Variants in RCC1L observed in about 807,000 individuals in gnomAD.
RCC1L encodes the protein RCC1-like G exchanging factor-like protein.
RCC1L carries 46 observed loss-of-function variants against 58.6 expected under a neutral mutation model. The ratio of observed to expected loss-of-function variants is 0.79; its 90% CI spans 0.62 to 1.00. The LOEUF (loss-of-function observed/expected upper bound fraction) is 1.00, where lower values mean the gene tolerates loss of function less well. Ranked by LOEUF, RCC1L falls within the 50% of genes least tolerant of loss-of-function variation. The pLI, the probability that RCC1L is intolerant of heterozygous loss-of-function variation, is 0.00. For missense variants in RCC1L, 636 were observed against 623.6 expected, an observed-to-expected ratio of 1.02 and a Z score of -0.21; for synonymous variants, 281 against 262.9, an observed-to-expected ratio of 1.07 and a Z score of -0.67.
intron 3 of RCC1L, among the ~76,000 whole-genome samples, chr7:75,065,159 C>T (rs587644768): frequency 6.6e-6 from 1 of 150,994 alleles, no homozygotes; most frequent in Admixed American, 6.6e-5. Context: ...CCCAAGTTTG[C>T]ATTTTCGACA....
intron 10 of RCC1L, among the ~76,000 whole-genome samples, chr7:75,047,348 C>T (rs1445931838): frequency 1.3e-5 from 2 of 152,202 alleles, no homozygotes; most frequent in African/African-American, 4.8e-5. Context: ...CTCACTGCAG[C>T]TTCCAACTCC....
At chr7:75,051,214 A>T (rs1026193223) in intron 10 of RCC1L, among the ~76,000 whole-genome samples, 3 of 146,340 alleles carry the variant, frequency 2.1e-5, no homozygotes, top group Non-Finnish European at 4.5e-5. Context: ...ATATAAACGT[A>T]TAATATAAAT....
chr7:75,031,286 C>T (rs1299062324), intron 10 of RCC1L, among the ~76,000 whole-genome samples: 6 of 152,220 alleles, frequency 3.9e-5, no homozygotes, highest in East Asian at 1.9e-4. Flanking sequence ...CCTCACCTGG[C>T]GTGCCCGGGT....
intron 2 of RCC1L, among the ~76,000 whole-genome samples, chr7:75,068,184 T>G (rs1490101734): frequency 6.6e-6 from 1 of 151,218 alleles, no homozygotes; most frequent in East Asian, 2.0e-4. Context: ...CCAGGCATGG[T>G]GGCACATGCC....
At chr7:75,070,571 A>G in intron 2 of RCC1L, 69 bp downstream of exon 2, 1 of 1,580,886 alleles carries the variant, frequency 6.3e-7, no homozygotes, top group Non-Finnish European at 8.6e-7. Context: ...CTCTGTCTCA[A>G]AAAAAATACA....
At chr7:75,027,969 A>G in exon 11 of RCC1L, 1 of 1,501,234 alleles carries the variant, frequency 6.7e-7, no homozygotes, top group Non-Finnish European at 9.0e-7. Context: ...TGTTTCTCAG[A>G]GGGGCTCCAT....
intron 7 of RCC1L, 136 bp from the exon 8 acceptor site, chr7:75,057,752 C>T: frequency 1.2e-6 from 1 of 805,874 alleles, no homozygotes. Flanking sequence ...CATCACATGC[C>T]AAGCATCATA....
chr7:75,073,348 C>A, intron 1 of RCC1L, 66 bp downstream of exon 1: 1 of 716,540 alleles, frequency 1.4e-6, no homozygotes, highest in Non-Finnish European at 2.0e-6. Context: ...GAGAGCCGAA[C>A]AGGTCGAGGG....
rs1805703314 is a variant in RCC1L, at chr7:75,045,821, C to T, written c.1318-2712G>A. On this transcript the variant is annotated intron_variant, in intron 10 of 10. Coordinates refer to ENST00000610322, the MANE Select transcript of RCC1L (RefSeq NM_030798.5). ...GAGCCGCTGCACCTGGCCTTCTCTTCCTTTCTTAAGTGCCAACTGCAAAGA... is the reference window on the plus strand; with the variant it reads ...GAGCCGCTGCACCTGGCCTTCTCTTTCTTTCTTAAGTGCCAACTGCAAAGA... Among the ~76,000 whole-genome samples, 3 of 152,196 alleles carry T rather than the reference C, an allele frequency of 2.0e-5. 1 individual carries two copies. In the South Asian group the frequency reaches 6.2e-4, roughly 31 times the overall value.
intron 10 of RCC1L, among the ~76,000 whole-genome samples, chr7:75,032,994 T>C (rs1350427861): frequency 7.1e-6 from 1 of 141,036 alleles, no homozygotes; most frequent in South Asian, 2.2e-4. Context: ...ATGGCTTGAA[T>C]CCGGGAGGTG....
intron 8 of RCC1L, 84 bp downstream of exon 8, chr7:75,057,445 G>A (rs1348793867): frequency 1.8e-5 from 25 of 1,417,660 alleles, no homozygotes; most frequent in Admixed American, 5.1e-5. Flanking sequence ...TAAGGTCTAC[G>A]GCCTGCAAAT....
At chr7:75,051,847 C>T (rs1188516442) in intron 10 of RCC1L, among the ~76,000 whole-genome samples, 1 of 152,182 alleles carries the variant, frequency 6.6e-6, no homozygotes, top group Non-Finnish European at 1.5e-5. Flanking sequence ...GCATGCACAC[C>T]AGTCTCTATG....
intron 9 of RCC1L, among the ~76,000 whole-genome samples, chr7:75,053,617 A>G (rs1476680838): frequency 6.6e-6 from 1 of 152,160 alleles, no homozygotes; most frequent in Non-Finnish European, 1.5e-5. Context: ...TCATGAAGAA[A>G]AAGTACAAGA....
Position 75,042,498 on chromosome 7 carries a change from C to G in RCC1L, c.*534G>C, listed in dbSNP as rs911761538. Reference sequence around the variant, plus strand: ...CAGGCCACGGTGCTTCTAGTGTCCCCCCAGCGAGCTTGCGGTGTGGCAGGC... The same window carrying G: ...CAGGCCACGGTGCTTCTAGTGTCCCGCCAGCGAGCTTGCGGTGTGGCAGGC... On this transcript the variant is annotated 3_prime_UTR_variant, in exon 11 of 11. Coordinates refer to ENST00000610322, the MANE Select transcript of RCC1L (RefSeq NM_030798.5). 3.0e-5 allele frequency: 30 copies of G among 990,980 alleles called. No homozygotes were observed. In the African/African-American group the frequency reaches 4.2e-4, roughly 14 times the overall value. 61.4% of individuals were successfully genotyped at this position (990,980 alleles called of 1,614,324 possible).
chr7:75,040,460 A>ATAACTAACTAACTAACT, downstream of RCC1L, among the ~76,000 whole-genome samples: 1 of 152,028 alleles, frequency 6.6e-6, no homozygotes, highest in Non-Finnish European at 1.5e-5. Context: ...ACTCTGTCTC[A>ATAACTAACTAACTAACT]AACAAACAAA....
At chr7:75,027,840 G>T (rs2131962742) in exon 11 of RCC1L, 1 of 670,628 alleles carries the variant, frequency 1.5e-6, no homozygotes, top group Non-Finnish European at 2.6e-6. Flanking sequence ...GCTCTTCGGG[G>T]TGGGGTGTGA....
At chr7:75,054,958 C>T (rs984984927) in intron 9 of RCC1L, among the ~76,000 whole-genome samples, 32 of 152,294 alleles carry the variant, frequency 2.1e-4, no homozygotes, top group African/African-American at 6.7e-4. Context: ...GCCTGTTTGA[C>T]GGCCTCTGGA....
chr7:75,066,798 A>G lies in RCC1L; in HGVS notation c.455-6T>C. On this transcript the variant is annotated splice_region_variant and splice_polypyrimidine_tract_variant and intron_variant, in intron 2 of 10. Transcript: ENST00000610322. ...CACATACTCGTAGCCCCTCGCTGGAAAAGACACAGGACACTGATTGAGGCA... is the reference window on the plus strand; with the variant it reads ...CACATACTCGTAGCCCCTCGCTGGAGAAGACACAGGACACTGATTGAGGCA... 1 of 1,603,834 alleles carries G rather than the reference A, an allele frequency of 6.2e-7. No individual in the cohort carries two copies. Among genetic ancestry groups the G allele is most frequent in the Middle Eastern group, 1.7e-4 (1 of 6,002 alleles).
chr7:75,069,638 T>G (rs1448723455), intron 2 of RCC1L, among the ~76,000 whole-genome samples: 1 of 152,172 alleles, frequency 6.6e-6, no homozygotes, highest in East Asian at 1.9e-4. Context: ...CTCGACTCAC[T>G]GCAACCTCCA....
Sources: allele counts gnomAD v4.1 joint callset (sites outside exome capture counted in the v4.1 genomes callset), GRCh38; gene constraint gnomAD v4.1.1; transcripts MANE v1.5; gene names NCBI Gene and HGNC (gene_info 2026-07-23, HGNC 2026-07-21).